R3HDM1: variants seen among roughly 807,000 people sequenced by gnomAD.
R3HDM1 encodes the protein R3H domain containing 1.
In R3HDM1, 46 loss-of-function variants were observed where a neutral mutation model predicts 141.1. That is an observed-to-expected ratio of 0.33 (90% CI 0.26 to 0.42). The LOEUF is 0.42. Among genes scored for constraint, R3HDM1 ranks in the 10% least tolerant of loss-of-function variants. The probability of loss-of-function intolerance (pLI) is 1.00; values close to 1 mark genes in which losing one functional copy is unlikely to be tolerated. For synonymous variants in R3HDM1, 435 were observed against 472.9 expected (o/e 0.92, Z 1.04); for missense variants, 1,184 against 1,368.3 (o/e 0.87, Z 2.12).
At chr2:135,627,486 C>A (rs2062162094) in intron 7 of R3HDM1, among the ~76,000 whole-genome samples, 1 of 152,152 alleles carries the variant, frequency 6.6e-6, no homozygotes, top group East Asian at 1.9e-4. Context: ...TAAATACAGT[C>A]ATTAATAAAT....
intron 1 of R3HDM1, among the ~76,000 whole-genome samples, chr2:135,593,002 C>G (rs908024075): frequency 6.6e-6 from 1 of 152,040 alleles, no homozygotes; most frequent in South Asian, 2.1e-4. Flanking sequence ...TCACTGCAAC[C>G]TGTGCCTCCT....
chr2:135,596,337 A>AT (rs2059185709), intron 1 of R3HDM1, among the ~76,000 whole-genome samples: 1 of 152,074 alleles, frequency 6.6e-6, no homozygotes. Context: ...ATATATCCAC[A>AT]TTTTTTGTTA....
At chr2:135,637,122 A>G (rs920761222) in intron 11 of R3HDM1, among the ~76,000 whole-genome samples, 1 of 152,190 alleles carries the variant, frequency 6.6e-6, no homozygotes, top group Non-Finnish European at 1.5e-5. Flanking sequence ...TATAAGATAG[A>G]TGAGGTATCT....
At chr2:135,569,876 A>G (rs530372797) in intron 1 of R3HDM1, among the ~76,000 whole-genome samples, 1 of 151,972 alleles carries the variant, frequency 6.6e-6, no homozygotes, top group East Asian at 1.9e-4. Context: ...ACAGGTGCCC[A>G]CCAACATGCC....
intron 24 of R3HDM1, 102 bp from the exon 25 acceptor site, chr2:135,721,822 A>C: frequency 3.3e-6 from 3 of 912,530 alleles, no homozygotes; most frequent in Middle Eastern, 2.3e-4. Context: ...TCCTGGCCTT[A>C]AGTAATCCGC....
intron 1 of R3HDM1, chr2:135,534,096 G>A (rs1695527021): frequency 2.2e-6 from 2 of 926,622 alleles, no homozygotes; most frequent in East Asian, 1.2e-4. Flanking sequence ...CACAGTTTGC[G>A]ACTAGTTATT....
chr2:135,658,037 A>G (rs897578676), intron 18 of R3HDM1, among the ~76,000 whole-genome samples: 2 of 152,260 alleles, frequency 1.3e-5, no homozygotes, highest in African/African-American at 4.8e-5. Flanking sequence ...CTACAAACCT[A>G]TGCAACATGT....
chr2:135,621,210 G>A (rs1175068249), intron 5 of R3HDM1, among the ~76,000 whole-genome samples: 1 of 151,998 alleles, frequency 6.6e-6, no homozygotes, highest in Non-Finnish European at 1.5e-5. Context: ...GATTTTACAA[G>A]TTGATGCACT....
chr2:135,571,261 A>G (rs562330326), intron 1 of R3HDM1, among the ~76,000 whole-genome samples: 1 of 152,290 alleles, frequency 6.6e-6, no homozygotes, highest in Non-Finnish European at 1.5e-5. Flanking sequence ...CAAACCATGT[A>G]TCTGATAAAA....
intron 1 of R3HDM1, among the ~76,000 whole-genome samples, chr2:135,579,421 A>G (rs1161627048): frequency 6.6e-6 from 1 of 152,072 alleles, no homozygotes; most frequent in Non-Finnish European, 1.5e-5. Context: ...AGATGAAAAG[A>G]GAGAAATAAA....
At position 135,689,089 on chromosome 2, in the gene R3HDM1, C is replaced by A. The variant is rs116941120; in HGVS notation, c.2459+8765C>A. Among the ~76,000 whole-genome samples, 668 of 152,260 alleles carry A rather than the reference C, an allele frequency of 4.4e-3. 10 individuals are homozygous for A. In the East Asian group the frequency reaches 0.057, roughly 13 times the overall value. On this transcript the variant is annotated intron_variant, in intron 21 of 26. Coordinates refer to ENST00000683871, the MANE Select transcript of R3HDM1 (RefSeq NM_001378107.1). ...ATATCTTCATTTAATTGGTCTGGCCCTGATCTTAAGCCTGAGCAACATTAT... is the reference window on the plus strand; with the variant it reads ...ATATCTTCATTTAATTGGTCTGGCCATGATCTTAAGCCTGAGCAACATTAT...
intron 24 of R3HDM1, among the ~76,000 whole-genome samples, chr2:135,719,654 C>T (rs1156881930): frequency 6.6e-6 from 1 of 152,104 alleles, no homozygotes; most frequent in African/African-American, 2.4e-5. Context: ...CTTTTATATA[C>T]TTGAAATTTT....
chr2:135,674,485 A>G (rs1216815656), intron 19 of R3HDM1, among the ~76,000 whole-genome samples: 2 of 152,220 alleles, frequency 1.3e-5, no homozygotes, highest in Non-Finnish European at 2.9e-5. Context: ...AGTAATTTAC[A>G]TGAGTCTTTA....
Position 135,638,604 on chromosome 2 carries a change from A to G in R3HDM1, c.904-14A>G, listed in dbSNP as rs2063489824. ...GACAAAAGCTCAACTTTTTGTATCT[A>G]TTCTTTTTTCTAGTCCCTGTGTTCC... On this transcript the variant is annotated splice_polypyrimidine_tract_variant and intron_variant, in intron 11 of 26. Transcript: ENST00000683871. 4.4e-6 allele frequency: 7 copies of G among 1,600,108 alleles called. No individual in the cohort carries two copies. Among genetic ancestry groups the G allele is most frequent in the East Asian group, 2.2e-5 (1 of 44,772 alleles).
chr2:135,562,846 T>A (rs1052209242), intron 1 of R3HDM1, among the ~76,000 whole-genome samples: 1 of 152,234 alleles, frequency 6.6e-6, no homozygotes, highest in African/African-American at 2.4e-5. Context: ...CCTCAGTAAA[T>A]GTTAACTGTT....
chr2:135,586,190 C>G (rs1244199645), intron 1 of R3HDM1: 2 of 152,214 alleles, frequency 1.3e-5, no homozygotes, highest in Admixed American at 1.3e-4. Context: ...TTCACAGTTT[C>G]ATGGGCTTTT....
intron 1 of R3HDM1, among the ~76,000 whole-genome samples, chr2:135,571,258 T>C (rs971047955): frequency 2.0e-5 from 3 of 152,174 alleles, no homozygotes; most frequent in Non-Finnish European, 4.4e-5. Flanking sequence ...TCACAAACCA[T>C]GTATCTGATA....
intron 1 of R3HDM1, among the ~76,000 whole-genome samples, chr2:135,595,029 A>C (rs1331858452): frequency 6.7e-6 from 1 of 150,154 alleles, no homozygotes; most frequent in Non-Finnish European, 1.5e-5. Flanking sequence ...AACATTGATA[A>C]CTCAAAACTT....
At chr2:135,579,594 GC>G (rs1463076887) in intron 1 of R3HDM1, among the ~76,000 whole-genome samples, 1 of 139,668 alleles carries the variant, frequency 7.2e-6, no homozygotes, top group African/African-American at 2.7e-5. Flanking sequence ...CTATGGGGTG[GC>G]GGGGGGGGGT....
Sources: gnomAD v4.1 joint callset for allele counts (sites outside exome capture counted in the v4.1 genomes callset) on GRCh38, gnomAD v4.1.1 for gene constraint, MANE v1.5 for transcripts, NCBI Gene and HGNC (gene_info 2026-07-23, HGNC 2026-07-21) for gene names.